Variants in KIF26B observed in about 807,000 individuals in gnomAD.
The protein encoded by KIF26B is kinesin-like protein KIF26B.
In KIF26B, 63 loss-of-function variants were observed where a neutral mutation model predicts 151.2. The observed-to-expected ratio is 0.42, with a 90% CI of 0.34 to 0.51. KIF26B has a LOEUF of 0.51. KIF26B is among the 20% of genes least tolerant of loss of function. The probability of loss-of-function intolerance (pLI) is 0.07; values close to 1 mark genes in which losing one functional copy is unlikely to be tolerated. For synonymous variants in KIF26B, 1,357 were observed against 1,262.1 expected (o/e 1.08, Z -1.59); for missense variants, 2,813 against 2,913.6 (o/e 0.97, Z 0.79).
At chr1:245,272,733 T>A (rs1670874090) in intron 2 of KIF26B, among the ~76,000 whole-genome samples, 1 of 152,204 alleles carries the variant, frequency 6.6e-6, no homozygotes, top group Admixed American at 6.5e-5. Flanking sequence ...TCATTTTTGT[T>A]TGTCTCAAGG....
intron 3 of KIF26B, among the ~76,000 whole-genome samples, chr1:245,400,488 GTTTTTTT>G (rs11407193): frequency 3.2e-5 from 4 of 123,864 alleles, no homozygotes; most frequent in African/African-American, 1.5e-4. Context: ...TAGATAGTGA[GTTTTTTT>G]TTTTTTTTTT....
intron 2 of KIF26B, among the ~76,000 whole-genome samples, chr1:245,180,444 A>G (rs1257109581): frequency 6.6e-6 from 1 of 152,156 alleles, no homozygotes; most frequent in Non-Finnish European, 1.5e-5. Context: ...ACATCTGTAA[A>G]ATGGGGAGAA....
intron 14 of KIF26B, among the ~76,000 whole-genome samples, chr1:245,701,033 C>CAA (rs1393434378): frequency 5.5e-5 from 8 of 145,264 alleles, no homozygotes; most frequent in African/African-American, 1.7e-4. Flanking sequence ...CTTCATCTTA[C>CAA]AAAGTCAGTC....
chr1:245,586,088 C>G (rs1003171400), intron 5 of KIF26B, among the ~76,000 whole-genome samples: 3 of 151,994 alleles, frequency 2.0e-5, no homozygotes, highest in Admixed American at 1.3e-4. Flanking sequence ...CCTCAAACTT[C>G]TAGGTTCAAG....
rs60988465 is a variant in KIF26B, at chr1:245,644,649, C to T, written c.2099-1472C>T. ...AGTCTGTGGCTAAGTATGGGAAAGA[C>T]TTCTGGGTATTCAACCCAATGCCCT... On this transcript the variant is annotated intron_variant, in intron 9 of 14. Coordinates refer to ENST00000407071, the MANE Select transcript of KIF26B (RefSeq NM_018012.4). Among the ~76,000 whole-genome samples, 463 of 152,308 alleles carry T rather than the reference C, an allele frequency of 3.0e-3. 3 individuals carry two copies. The highest frequency in any genetic ancestry group is 0.011 in the African/African-American group (445 of 41,574).
chr1:245,609,465 C>T lies in KIF26B; in HGVS notation c.1851C>T (p.Gly617=). The T allele has an allele frequency of 6.2e-7, 1 of 1,603,676 alleles. No individual in the cohort carries two copies. Among genetic ancestry groups the T allele is most frequent in the Non-Finnish European group, 8.5e-7 (1 of 1,175,096 alleles). ...ACCTGCTGTCGGAGGTGGCCACGGG[C>T]AGCCTGCAGGACGGCCAGTCCCCGG... ...LRDLLSEVAT[G]SLQDGQSPGV... Residue 617 remains glycine, a synonymous_variant, in exon 8 of 15, where the codon GGC becomes GGT. Transcript: ENST00000407071.
At chr1:245,233,490 TC>T (rs1242834163) in intron 2 of KIF26B, among the ~76,000 whole-genome samples, 2 of 152,160 alleles carry the variant, frequency 1.3e-5, no homozygotes, top group Admixed American at 6.5e-5. Flanking sequence ...AGAATTCCAG[TC>T]CCATACCAGA....
At chr1:245,428,045 T>C (rs1658689316) in intron 4 of KIF26B, among the ~76,000 whole-genome samples, 1 of 152,204 alleles carries the variant, frequency 6.6e-6, no homozygotes, top group Non-Finnish European at 1.5e-5. Flanking sequence ...GCAGGTAATG[T>C]CTGGGCTCAT....
At chr1:245,156,745 C>G in intron 2 of KIF26B, 62 bp downstream of exon 2, 1 of 1,127,550 alleles carries the variant, frequency 8.9e-7, no homozygotes, top group Non-Finnish European at 1.2e-6. Context: ...CCGCCACCCA[C>G]AGCAGCTGCT....
chr1:245,427,334 G>A (rs578245756), intron 4 of KIF26B, among the ~76,000 whole-genome samples: 5 of 152,304 alleles, frequency 3.3e-5, no homozygotes, highest in South Asian at 2.1e-4. Context: ...CAGGCCAGGC[G>A]TGGTGGCTCA....
intron 4 of KIF26B, among the ~76,000 whole-genome samples, chr1:245,474,705 A>G (rs1206236766): frequency 6.6e-6 from 1 of 151,720 alleles, no homozygotes; most frequent in Non-Finnish European, 1.5e-5. Context: ...GAGCCACCGC[A>G]CGCAGCCTCA....
At chr1:245,648,764 G>A (rs914792054) in intron 10 of KIF26B, among the ~76,000 whole-genome samples, 4 of 152,196 alleles carry the variant, frequency 2.6e-5, no homozygotes, top group Non-Finnish European at 5.9e-5. Flanking sequence ...ACCAGTCCCT[G>A]CAGACAGCTG....
intron 2 of KIF26B, among the ~76,000 whole-genome samples, chr1:245,315,030 A>T (rs969787704): frequency 3.3e-5 from 5 of 151,858 alleles, no homozygotes; most frequent in African/African-American, 1.2e-4. Context: ...AAAATACAAA[A>T]TTAGCTGGGT....
chr1:245,458,706 A>C (rs999300247), intron 4 of KIF26B, among the ~76,000 whole-genome samples: 1 of 152,152 alleles, frequency 6.6e-6, no homozygotes, highest in African/African-American at 2.4e-5. Context: ...TAAGTACCAA[A>C]CTTTCCGGAT....
intron 4 of KIF26B, among the ~76,000 whole-genome samples, chr1:245,527,517 G>A (rs1294007533): frequency 2.0e-5 from 2 of 100,926 alleles, no homozygotes; most frequent in African/African-American, 4.5e-5. Context: ...ATCTGGCTTT[G>A]GGATGGCTTT....
intron 2 of KIF26B, among the ~76,000 whole-genome samples, chr1:245,222,180 T>C (rs1669787456): frequency 6.6e-6 from 1 of 152,188 alleles, no homozygotes; most frequent in South Asian, 2.1e-4. Flanking sequence ...GGCTCACGCC[T>C]GTAATCCAGC....
rs912518096 is a variant in KIF26B at position 245,572,909 on chromosome 1, G to A, written c.1351-29668G>A. On this transcript the variant is annotated intron_variant, in intron 5 of 14. Transcript: ENST00000407071. This position sits in a 1 kb window ranked among gnomAD's most constrained non-coding sequence, Gnocchi z 4.2. ...GTCCCAAGCAGAAATGGAGAAACAC[G>A]TCCTCACCTCCTCCTGCCACCTGCT... is the stretch of plus-strand genomic sequence containing the variant. Among the ~76,000 whole-genome samples, 5 of 152,120 alleles carry A rather than the reference G, an allele frequency of 3.3e-5. No homozygotes were observed. Among genetic ancestry groups the A allele is most frequent in the East Asian group, 1.9e-4 (1 of 5,182 alleles).
At chr1:245,583,009 C>A (rs1190555654) in intron 5 of KIF26B, among the ~76,000 whole-genome samples, 1 of 152,112 alleles carries the variant, frequency 6.6e-6, no homozygotes, top group Non-Finnish European at 1.5e-5. Context: ...CACATGCAAC[C>A]CAGCCAGCGT....
chr1:245,224,838 TACTGATA>T (rs1315740184), intron 2 of KIF26B, among the ~76,000 whole-genome samples: 2 of 152,228 alleles, frequency 1.3e-5, no homozygotes, highest in African/African-American at 4.8e-5. Context: ...AGAAAAAGTT[TACTGATA>T]ACGGTTTCAG....
Sources: gnomAD v4.1 joint callset for allele counts (sites outside exome capture counted in the v4.1 genomes callset) on GRCh38, gnomAD v4.1.1 for gene constraint, Gnocchi (gnomAD v3.1) non-coding constraint, MANE v1.5 for transcripts, NCBI Gene and HGNC (gene_info 2026-07-23, HGNC 2026-07-21) for gene names.